CNBD1: variants seen among roughly 807,000 people sequenced by gnomAD.
CNBD1 encodes the protein cyclic nucleotide-binding domain-containing protein 1.
CNBD1 carries 71 observed loss-of-function variants against 54.4 expected under a neutral mutation model. That is an observed-to-expected ratio of 1.30 (90% CI 1.08 to 1.59). The LOEUF is 1.59. Among genes scored for constraint, CNBD1 ranks in the 40% most tolerant of loss-of-function variants. The pLI, the probability that CNBD1 is intolerant of heterozygous loss-of-function variation, is 0.00. For missense variants in CNBD1, 659 were observed against 518.0 expected (o/e 1.27, Z -2.64); for synonymous variants, 182 against 170.7 (o/e 1.07, Z -0.51).
At chr8:87,380,930 C>A (rs1811060173) in intron 10 of CNBD1, among the ~76,000 whole-genome samples, 1 of 152,020 alleles carries the variant, frequency 6.6e-6, no homozygotes, top group South Asian at 2.1e-4. Context: ...AGAATTGTAA[C>A]TGTTAAACTC....
Position 87,194,952 on chromosome 8 carries a change from C to T in CNBD1, c.432-11041C>T, listed in dbSNP as rs546691444. 5.3e-5 allele frequency among the ~76,000 whole-genome samples: 8 copies of T among 151,988 alleles called. No homozygotes were observed. The South Asian group carries it at 1.7e-3, about 32-fold the overall frequency. On this transcript the variant is annotated intron_variant, in intron 4 of 10. Transcript: ENST00000518476. ...AGGCTGGAGTGCAATGGCTCAATCT[C>T]GACTCACTGCAACCTCCGCCTCCTG...
At chr8:87,146,712 G>A (rs1812498066) in intron 4 of CNBD1, among the ~76,000 whole-genome samples, 1 of 151,972 alleles carries the variant, frequency 6.6e-6, no homozygotes, top group Non-Finnish European at 1.5e-5. Flanking sequence ...TATTAAGTAT[G>A]CATTCAAACA....
chr8:86,949,778 T>A (rs1211861075), intron 4 of CNBD1, among the ~76,000 whole-genome samples: 2 of 151,886 alleles, frequency 1.3e-5, no homozygotes, highest in African/African-American at 4.8e-5. Flanking sequence ...AAAGTGGAGA[T>A]CTTTGTCATG....
At chr8:87,384,939 T>C (rs1000499206), downstream of CNBD1, among the ~76,000 whole-genome samples, 1 of 152,094 alleles carries the variant, frequency 6.6e-6, no homozygotes, top group African/African-American at 2.4e-5. Context: ...GAAAAGTAAA[T>C]GTGAGACCAT....
rs113908841 is a variant in CNBD1 at position 87,228,945 on chromosome 8, C to T, written c.578-7974C>T. Among the ~76,000 whole-genome samples the T allele has an allele frequency of 3.8e-4, 58 of 152,266 alleles. 1 individual carries two copies. Among genetic ancestry groups the T allele is most frequent in the African/African-American group, 1.0e-3 (42 of 41,546 alleles). On this transcript the variant is annotated intron_variant, in intron 5 of 10. Transcript: ENST00000518476. ...AGGTGGGGGATATAATCTCATGGTG[C>T]GCCGTTTTTTAAGCCCGTCGGAAAA...
At chr8:87,328,127 C>T (rs894367556) in intron 8 of CNBD1, among the ~76,000 whole-genome samples, 5 of 152,164 alleles carry the variant, frequency 3.3e-5, no homozygotes, top group African/African-American at 1.2e-4. Flanking sequence ...CTGATGCTCT[C>T]CTTCCCCGTG....
Position 87,029,585 on chromosome 8 carries a change from A to G in CNBD1, c.431+89831A>G, listed in dbSNP as rs529067451. On this transcript the variant is annotated intron_variant, in intron 4 of 10. Coordinates refer to ENST00000518476, the MANE Select transcript of CNBD1 (RefSeq NM_173538.3). ...TGCAAGATAATAAATTATGTATATA[A>G]TTTAGAAATCTGGTAATGCCAGAAA... 7.2e-5 allele frequency among the ~76,000 whole-genome samples: 11 copies of G among 152,290 alleles called. No homozygotes were observed. In the South Asian group the frequency reaches 2.3e-3, roughly 32 times the overall value.
intron 8 of CNBD1, among the ~76,000 whole-genome samples, chr8:87,291,716 T>G (rs1440924975): frequency 6.6e-6 from 1 of 152,148 alleles, no homozygotes; most frequent in Non-Finnish European, 1.5e-5. Context: ...ACTCCTGGGC[T>G]CAAGTGATCA....
intron 4 of CNBD1, among the ~76,000 whole-genome samples, chr8:87,102,968 A>AACTGAAG (rs1180529284): frequency 6.6e-6 from 1 of 152,206 alleles, no homozygotes; most frequent in African/African-American, 2.4e-5. Context: ...GATTCAGAGG[A>AACTGAAG]ACTGAAGAAA....
At chr8:87,261,523 T>G (rs1280333907) in intron 6 of CNBD1, among the ~76,000 whole-genome samples, 2 of 110,416 alleles carry the variant, frequency 1.8e-5, no homozygotes, top group Admixed American at 1.9e-4. Context: ...AAGTTTTATT[T>G]ATAGACAAAA....
chr8:86,929,917 G>A (rs1359010901), intron 3 of CNBD1, among the ~76,000 whole-genome samples: 1 of 152,174 alleles, frequency 6.6e-6, no homozygotes, highest in Admixed American at 6.5e-5. Context: ...ACACAAGTCT[G>A]AGTAAGGACT....
intron 8 of CNBD1, among the ~76,000 whole-genome samples, chr8:87,334,334 G>T (rs571422900): frequency 1.7e-4 from 26 of 151,964 alleles, no homozygotes; most frequent in Admixed American, 4.6e-4. Flanking sequence ...ACAGCTCCTG[G>T]ATTCATTGAT....
chr8:87,333,639 G>A (rs538002058), intron 8 of CNBD1, among the ~76,000 whole-genome samples: 1 of 152,214 alleles, frequency 6.6e-6, no homozygotes, highest in South Asian at 2.1e-4. Flanking sequence ...TAATCATGTG[G>A]TTTTTGTCAT....
chr8:87,328,363 T>G (rs1022437671), intron 8 of CNBD1, among the ~76,000 whole-genome samples: 1 of 151,922 alleles, frequency 6.6e-6, no homozygotes, highest in Admixed American at 6.6e-5. Context: ...TTTAACTACT[T>G]TATTTAATAT....
chr8:87,237,951 A>G (rs983952029), intron 6 of CNBD1, among the ~76,000 whole-genome samples: 1 of 149,762 alleles, frequency 6.7e-6, no homozygotes, highest in Non-Finnish European at 1.5e-5. Context: ...AGGGATGGAA[A>G]ACAATGCATT....
At chr8:87,237,224 C>T (rs866621083) in intron 6 of CNBD1, 112 bp downstream of exon 6, 22 of 532,092 alleles carry the variant, frequency 4.1e-5, no homozygotes, top group Middle Eastern at 4.0e-4. Context: ...GAAATATTTA[C>T]GATAATATAG....
At chr8:86,932,992 C>G (rs754248564) in intron 3 of CNBD1, among the ~76,000 whole-genome samples, 6 of 152,078 alleles carry the variant, frequency 3.9e-5, no homozygotes, top group Non-Finnish European at 7.3e-5. Flanking sequence ...CCGACACATT[C>G]TCGAAAACCT....
At chr8:87,134,594 C>CTTTTTTTTTT (rs1167232265) in intron 4 of CNBD1, among the ~76,000 whole-genome samples, 1 of 86,964 alleles carries the variant, frequency 1.1e-5, no homozygotes, top group African/African-American at 4.3e-5. Flanking sequence ...ATTAGATTAC[C>CTTTTTTTTTT]TTTTTTTTTT....
intron 1 of CNBD1, among the ~76,000 whole-genome samples, chr8:86,884,841 T>A (rs1052065803): frequency 6.6e-6 from 1 of 152,226 alleles, no homozygotes; most frequent in Non-Finnish European, 1.5e-5. Flanking sequence ...CCATTTATCA[T>A]TGGATTAATT....
Sources: allele counts gnomAD v4.1 joint callset (sites outside exome capture counted in the v4.1 genomes callset), GRCh38; gene constraint gnomAD v4.1.1; transcripts MANE v1.5; gene names NCBI Gene and HGNC (gene_info 2026-07-23, HGNC 2026-07-21).